The following EYS variants were observed in gnomAD, a reference collection of about 807,000 sequenced individuals.
EYS encodes EGF-like photoreceptor maintenance factor.
EYS carries 250 observed loss-of-function variants against 282.1 expected under a neutral mutation model. The ratio of observed to expected loss-of-function variants is 0.89; its 90% CI spans 0.80 to 0.98. EYS has a LOEUF of 0.98. Ranked by LOEUF, EYS falls within the 50% of genes least tolerant of loss-of-function variation. The probability of loss-of-function intolerance (pLI) is 0.00; values close to 1 mark genes in which losing one functional copy is unlikely to be tolerated. For missense variants in EYS, 4,016 were observed against 3,709.0 expected (o/e 1.08, Z -2.15); for synonymous variants, 1,355 against 1,282.9 (o/e 1.06, Z -1.20).
At chr6:65,609,179 C>T (rs1204929368) in intron 2 of EYS, among the ~76,000 whole-genome samples, 1 of 151,908 alleles carries the variant, frequency 6.6e-6, no homozygotes, top group Non-Finnish European at 1.5e-5. Flanking sequence ...AAGCATGTGA[C>T]TAATGCATTG....
intron 26 of EYS, among the ~76,000 whole-genome samples, chr6:64,454,617 A>G (rs1775495729): frequency 6.6e-6 from 1 of 152,134 alleles, no homozygotes; most frequent in Admixed American, 6.6e-5. Context: ...CAAAAATACA[A>G]CATGTATACT....
intron 35 of EYS, among the ~76,000 whole-genome samples, chr6:63,954,165 C>T (rs971180061): frequency 1.3e-5 from 2 of 152,182 alleles, no homozygotes; most frequent in African/African-American, 4.8e-5. Context: ...TATCTCTGAT[C>T]CACCTGACAT....
intron 12 of EYS, among the ~76,000 whole-genome samples, chr6:65,132,129 T>C (rs1416664513): frequency 6.6e-6 from 1 of 151,966 alleles, no homozygotes; most frequent in African/African-American, 2.4e-5. Context: ...AGCCAAATTC[T>C]ACCATATGTA....
intron 22 of EYS, among the ~76,000 whole-genome samples, chr6:64,758,865 G>T (rs77283210): frequency 0.037 from 5,611 of 152,224 alleles, 340 homozygotes; most frequent in African/African-American, 0.13. Context: ...TTGGCCGGGC[G>T]CAGTGGCTCA....
intron 12 of EYS, among the ~76,000 whole-genome samples, chr6:65,241,137 A>G (rs1767047850): frequency 6.6e-6 from 1 of 152,148 alleles, no homozygotes; most frequent in African/African-American, 2.4e-5. Context: ...TAAAAATGGA[A>G]GATCTTATAT....
intron 26 of EYS, among the ~76,000 whole-genome samples, chr6:64,444,366 A>G (rs1775051870): frequency 6.6e-6 from 1 of 152,144 alleles, no homozygotes; most frequent in Admixed American, 6.5e-5. Flanking sequence ...TAAAATTTTT[A>G]TCTAATACCA....
intron 41 of EYS, among the ~76,000 whole-genome samples, chr6:63,757,031 A>G (rs111702400): frequency 5.2e-4 from 79 of 152,246 alleles, no homozygotes; most frequent in African/African-American, 1.8e-3. Context: ...ACAGAATAAC[A>G]GCAATTTTAG....
intron 14 of EYS, among the ~76,000 whole-genome samples, chr6:64,958,336 C>A (rs1374259971): frequency 6.6e-6 from 1 of 152,046 alleles, no homozygotes. Flanking sequence ...GAGCGAAAAT[C>A]GCGCCACTGC....
chr6:64,289,028 T>A (rs1209685117), intron 30 of EYS, among the ~76,000 whole-genome samples: 6 of 152,098 alleles, frequency 3.9e-5, no homozygotes, highest in Non-Finnish European at 5.9e-5. Flanking sequence ...ATAAAGTGAT[T>A]CGGGTGCTTC....
chr6:65,594,291 A>C (rs1765330327), intron 2 of EYS, among the ~76,000 whole-genome samples: 1 of 152,044 alleles, frequency 6.6e-6, no homozygotes, highest in African/African-American at 2.4e-5. Flanking sequence ...AACTTGTTTC[A>C]GTCACCCAAC....
intron 2 of EYS, among the ~76,000 whole-genome samples, chr6:65,604,341 T>G (rs1765709235): frequency 6.6e-6 from 1 of 151,952 alleles, no homozygotes; most frequent in Non-Finnish European, 1.5e-5. Flanking sequence ...AATTTTACAA[T>G]GTTGATGTGC....
chr6:65,282,296 A>G (rs1039499667), intron 12 of EYS, among the ~76,000 whole-genome samples: 1 of 152,008 alleles, frequency 6.6e-6, no homozygotes, highest in African/African-American at 2.4e-5. Context: ...TGATTTAATT[A>G]CTCCACATTC....
chr6:63,733,890 A>G (rs1291081849), intron 41 of EYS, among the ~76,000 whole-genome samples: 1 of 152,152 alleles, frequency 6.6e-6, no homozygotes, highest in Admixed American at 6.6e-5. Flanking sequence ...TTCTTGCTCC[A>G]AAGGAAGACA....
At chr6:65,427,753 G>T (rs1240465109) in intron 5 of EYS, among the ~76,000 whole-genome samples, 2 of 151,916 alleles carry the variant, frequency 1.3e-5, no homozygotes, top group Admixed American at 6.6e-5. Context: ...AATTGCAAAA[G>T]AAATTCATAC....
chr6:65,207,769 A>G (rs1489841108), intron 12 of EYS, among the ~76,000 whole-genome samples: 1 of 151,794 alleles, frequency 6.6e-6, no homozygotes, highest in East Asian at 1.9e-4. Flanking sequence ...AAAAATAAAC[A>G]ATAGGGAAAG....
intron 11 of EYS, chr6:65,329,524 A>AAATACATATAT: frequency 5.1e-6 from 5 of 982,836 alleles, no homozygotes; most frequent in Non-Finnish European, 6.0e-6. Context: ...ACTGGCCCCA[A>AAATACATATAT]CCCAAAAATA....
chr6:64,666,706 A>G (rs374714538), intron 22 of EYS, among the ~76,000 whole-genome samples: 1 of 152,204 alleles, frequency 6.6e-6, no homozygotes, highest in African/African-American at 2.4e-5. Context: ...AACTAGATCT[A>G]TATTTTCAGT....
At chr6:63,989,545 A>G (rs1311028226) in intron 34 of EYS, among the ~76,000 whole-genome samples, 1 of 151,602 alleles carries the variant, frequency 6.6e-6, no homozygotes, top group Non-Finnish European at 1.5e-5. Flanking sequence ...GATATCTTCT[A>G]TGTTAATATA....
At chr6:65,058,121 A>G (rs1397188519) in intron 12 of EYS, among the ~76,000 whole-genome samples, 1 of 152,094 alleles carries the variant, frequency 6.6e-6, no homozygotes, top group African/African-American at 2.4e-5. Flanking sequence ...TAACATCCTG[A>G]TGTATGTCCC....
Sources: gnomAD v4.1 joint callset for allele counts (sites outside exome capture counted in the v4.1 genomes callset) on GRCh38, gnomAD v4.1.1 for gene constraint, MANE v1.5 for transcripts, NCBI Gene and HGNC (gene_info 2026-07-23, HGNC 2026-07-21) for gene names.